RECQL5: variants seen among roughly 807,000 people sequenced by gnomAD.
The protein encoded by RECQL5 is RecQ like helicase 5, also known as ATP-dependent DNA helicase Q5.
Under a neutral mutation model 103.4 loss-of-function variants are expected in RECQL5, and 88 were observed. That is an observed-to-expected ratio of 0.85 (90% CI 0.72 to 1.02). RECQL5 has a LOEUF of 1.02. Among genes scored for constraint, RECQL5 ranks in the 50% least tolerant of loss-of-function variants. RECQL5 has a pLI of 0.00. For synonymous variants in RECQL5, 552 were observed against 507.9 expected, an observed-to-expected ratio of 1.09 and a Z score of -1.17; for missense variants, 1,232 against 1,284.3, an observed-to-expected ratio of 0.96 and a Z score of 0.62.
At position 75,629,283 on chromosome 17, in the gene RECQL5, C is replaced by G. The variant is rs772806922; in HGVS notation, c.2140G>C (p.Gly714Arg). 2 of 1,596,640 alleles carry G rather than the reference C, an allele frequency of 1.3e-6. No homozygotes were observed. The highest frequency in any genetic ancestry group is 1.7e-6 in the Non-Finnish European group (2 of 1,169,380). ...DGSEPLPGPR[G>R]EVPGGSAHYG... ...TGAGCGCTGCCTCCAGGGACCTCCCCTCTGGGCCCAGGGAGGGGCTCACTC... is the reference window on the plus strand; with the variant it reads ...TGAGCGCTGCCTCCAGGGACCTCCCGTCTGGGCCCAGGGAGGGGCTCACTC... Residue 714 changes from glycine (G) to arginine (R), a missense_variant, in exon 16 of 20, where the codon GGG (glycine) becomes CGG (arginine). Physicochemically the swap from Gly to Arg is moderately radical, Grantham distance 125 (BLOSUM62 -2). Transcript: ENST00000317905.
Position 75,636,531 on chromosome 17 carries a change from G to A in RECQL5, c.1230-4863C>T, listed in dbSNP as rs1194173428. 2.0e-5 allele frequency: 3 copies of A among 152,216 alleles called. No individual in the cohort carries two copies. The highest frequency in any genetic ancestry group is 2.9e-5 in the Non-Finnish European group (2 of 68,060). 9.4% of individuals were successfully genotyped at this position (152,216 alleles called of 1,614,324 possible). On this transcript the variant is annotated intron_variant, in intron 8 of 19. Coordinates refer to ENST00000317905, the MANE Select transcript of RECQL5 (RefSeq NM_004259.7). This position sits in a 1 kb window ranked among gnomAD's most constrained non-coding sequence, Gnocchi z 5.4. ...GAACACTAAGGTTCCCTTAGGAGCA[G>A]CGGCTGGGGCACATGCCACACAGTC...
Position 75,667,140 on chromosome 17 carries a change from A to G in RECQL5, c.-111T>C, listed in dbSNP as rs2059799136. Reference sequence around the variant, plus strand: ...ACACAACCCCAACTCAGAGAAGCCAAAGCGCTGGGAATTCAGCTTTAGGCA... The same window carrying G: ...ACACAACCCCAACTCAGAGAAGCCAGAGCGCTGGGAATTCAGCTTTAGGCA... On this transcript the variant is annotated 5_prime_UTR_variant, in exon 1 of 20. Transcript: ENST00000317905. The G allele has an allele frequency of 5.4e-6, 3 of 553,202 alleles. No homozygotes were observed. The highest frequency in any genetic ancestry group is 3.8e-5 in the African/African-American group (2 of 52,754). The allele number at this position is 553,202 out of a possible 1,614,324, so 34.3% of individuals were successfully genotyped here. A position where few individuals can be genotyped will look rare whatever the true frequency, so the allele number is the denominator to read the frequency against.
chr17:75,633,562 A>G, intron 8 of RECQL5: 1 of 1,273,282 alleles, frequency 7.9e-7, no homozygotes, highest in Non-Finnish European at 1.0e-6. Flanking sequence ...GAGCGGCACA[A>G]GGGCCTCCCC....
chr17:75,655,659 T>C (rs1293576155), intron 7 of RECQL5, among the ~76,000 whole-genome samples: 6 of 151,720 alleles, frequency 4.0e-5, no homozygotes, highest in East Asian at 1.9e-4. Context: ...CCACCGCACC[T>C]GGCCTTTTTA....
At chr17:75,647,172 G>C (rs2059498416) in intron 8 of RECQL5, among the ~76,000 whole-genome samples, 1 of 152,198 alleles carries the variant, frequency 6.6e-6, no homozygotes, top group Non-Finnish European at 1.5e-5. Context: ...CCTGTATCTA[G>C]AGCGGGGGAA....
Position 75,633,736 on chromosome 17 carries a change from G to C in RECQL5, c.1230-2068C>G, listed in dbSNP as rs75276638. 389 of 1,096,162 alleles carry C rather than the reference G, an allele frequency of 3.5e-4. 2 individuals are homozygous for C. In the African/African-American group the frequency reaches 5.8e-3, roughly 16 times the overall value. 67.9% of individuals were successfully genotyped at this position (1,096,162 alleles called of 1,614,324 possible). ...GGCAGGGTGGGTGCCCCAGACCTGA[G>C]AGCGCTGCAGGACTCCCCTCCACAG... is the stretch of plus-strand genomic sequence containing the variant. On this transcript the variant is annotated intron_variant, in intron 8 of 19. Transcript: ENST00000317905.
chr17:75,663,986 G>A (rs1005224542), intron 3 of RECQL5, among the ~76,000 whole-genome samples: 34 of 149,948 alleles, frequency 2.3e-4, no homozygotes, highest in African/African-American at 6.9e-4. Context: ...CCCGGGAGGC[G>A]GAGGTTGCGG....
In RECQL5 at chr17:75,640,697, A is replaced by G; in HGVS notation, c.1230-9029T>C. 2.7e-6 allele frequency: 4 copies of G among 1,499,032 alleles called. No homozygotes were observed. The highest frequency in any genetic ancestry group is 3.6e-6 in the Non-Finnish European group (4 of 1,120,068). 92.9% of individuals were successfully genotyped at this position (1,499,032 alleles called of 1,614,324 possible). On this transcript the variant is annotated intron_variant, in intron 8 of 19. Transcript: ENST00000317905. This position sits in a 1 kb window ranked among gnomAD's most constrained non-coding sequence, Gnocchi z 4.6. ...CTGACCTCCACCAAACCTGTGGGGG[A>G]AAGACCCTGGCAGGCAGTGGGTTTC...
chr17:75,627,961 G>A (rs578074011), intron 18 of RECQL5, among the ~76,000 whole-genome samples: 1 of 151,500 alleles, frequency 6.6e-6, no homozygotes, highest in Non-Finnish European at 1.5e-5. Flanking sequence ...GGAGGTTGCA[G>A]TGAGCTGAAA....
chr17:75,641,032 CTG>C, intron 8 of RECQL5: 2 of 1,426,078 alleles, frequency 1.4e-6, no homozygotes, highest in Non-Finnish European at 9.3e-7. Flanking sequence ...GCCCAGGTAC[CTG>C]GACACTGACA....
rs780534135 is a variant in RECQL5 at position 75,629,347 on chromosome 17, C to T, written c.2076G>A (p.Glu692=). The change falls in exon 16 of 20, where the codon GAG becomes GAA. Residue 692 remains glutamate (E), a synonymous_variant. Transcript: ENST00000317905. The part of the protein sequence containing the change: ...APQPERGGEH[E]PPSRPCGLLD... ...GGAGGCCACAGGGCCGGCTCGGGGG[C>T]TCGTGCTCGCCTCCCCGCTCGGGCT... The T allele has an allele frequency of 6.6e-7, 1 of 1,520,892 alleles. No individual in the cohort carries two copies. Among genetic ancestry groups the T allele is most frequent in the South Asian group, 1.3e-5 (1 of 75,846 alleles). The allele number at this position is 1,520,892 out of a possible 1,614,324, so 94.2% of individuals were successfully genotyped here.
chr17:75,666,510 G>C lies in RECQL5; in HGVS notation c.48C>G (p.Val16=). Residue 16 remains valine (V), a synonymous_variant, in exon 2 of 20, where the codon GTC becomes GTG. Transcript: ENST00000317905. ...CAAAGACCTTCTTCAGCGTACTCCG[G>C]ACTCGCCGCTCAGGGTCAAAAGGAA... The part of the protein sequence containing the change: ...TTFPFDPERR[V]RSTLKKVFGF... 6.2e-7 allele frequency: 1 copy of C among 1,614,140 alleles called. No homozygotes were observed. Among genetic ancestry groups the C allele is most frequent in the Non-Finnish European group, 8.5e-7 (1 of 1,180,026 alleles).
At chr17:75,647,453 C>T (rs2059502573) in intron 8 of RECQL5, 15 of 1,550,184 alleles carry the variant, frequency 9.7e-6, no homozygotes, top group Non-Finnish European at 1.3e-5. Context: ...GGGGGCCTGG[C>T]AGTGATTATC....
chr17:75,628,643 C>T, intron 17 of RECQL5, 29 bp downstream of exon 17: 1 of 1,567,346 alleles, frequency 6.4e-7, no homozygotes, highest in South Asian at 1.2e-5. Context: ...CCCTTCTCTC[C>T]TCCCCAACAG....
At chr17:75,654,819 GTCTC>G (rs2059596397) in intron 7 of RECQL5, among the ~76,000 whole-genome samples, 1 of 151,834 alleles carries the variant, frequency 6.6e-6, no homozygotes, top group Non-Finnish European at 1.5e-5. Flanking sequence ...TTGAAACAGG[GTCTC>G]ACTCTGTTAC....
intron 8 of RECQL5, 82 bp from the exon 9 acceptor site, chr17:75,631,750 T>C: frequency 7.0e-7 from 1 of 1,436,048 alleles, no homozygotes; most frequent in South Asian, 1.2e-5. Flanking sequence ...AATCGCTAGC[T>C]GAGCGAGCAC....
chr17:75,627,126 C>T lies in RECQL5; in HGVS notation c.*296G>A, dbSNP rs2059106664. ...TCGGGGAGGGGCCACTCTTCCTTCC[C>T]CTTCTTCCAGCAGCAGCTCCACCAC... On this transcript the variant is annotated 3_prime_UTR_variant, in exon 20 of 20. Coordinates refer to ENST00000317905, the MANE Select transcript of RECQL5 (RefSeq NM_004259.7). 1.9e-6 allele frequency: 1 copy of T among 534,666 alleles called. No homozygotes were observed. The highest frequency in any genetic ancestry group is 4.6e-5 in the East Asian group (1 of 21,508). The allele number at this position is 534,666 out of a possible 1,614,324, so 33.1% of individuals were successfully genotyped here.
intron 7 of RECQL5, among the ~76,000 whole-genome samples, chr17:75,651,798 C>T (rs972555811): frequency 3.3e-5 from 5 of 152,006 alleles, no homozygotes; most frequent in Non-Finnish European, 7.4e-5. Flanking sequence ...ATTTAGGAAG[C>T]GCTATATAAT....
chr17:75,633,379 G>A, intron 8 of RECQL5: 1 of 1,231,006 alleles, frequency 8.1e-7, no homozygotes, highest in South Asian at 1.3e-5. Flanking sequence ...AATGTCACAG[G>A]GCCCGGCCCC....
Sources: gnomAD v4.1 joint callset for allele counts (sites outside exome capture counted in the v4.1 genomes callset) on GRCh38, gnomAD v4.1.1 for gene constraint, Gnocchi (gnomAD v3.1) non-coding constraint, MANE v1.5 for transcripts, NCBI Gene and HGNC (gene_info 2026-07-23, HGNC 2026-07-21) for gene names.